NUAK1: variants seen among roughly 807,000 people sequenced by gnomAD.
NUAK1 encodes NUAK family kinase 1, also known as NUAK family SNF1-like kinase 1.
NUAK1 carries 26 observed loss-of-function variants against 56.9 expected under a neutral mutation model. The observed-to-expected ratio is 0.46, with a 90% CI of 0.33 to 0.63. The LOEUF (loss-of-function observed/expected upper bound fraction) is 0.63. Ranked by LOEUF, NUAK1 falls within the 30% of genes least tolerant of loss-of-function variation. The probability of loss-of-function intolerance (pLI) is 0.02; values close to 1 mark genes in which losing one functional copy is unlikely to be tolerated. For missense variants in NUAK1, 727 were observed against 876.1 expected (o/e 0.83, Z 2.15); for synonymous variants, 337 against 336.0 (o/e 1.00, Z -0.03).
intron 2 of NUAK1, among the ~76,000 whole-genome samples, chr12:106,090,932 T>C (rs1592852752): frequency 6.6e-6 from 1 of 152,136 alleles, no homozygotes; most frequent in African/African-American, 2.4e-5. Context: ...TCCAGAATAG[T>C]CCAGGATTTA....
intron 1 of NUAK1, among the ~76,000 whole-genome samples, chr12:106,111,902 T>TAAAAAGAAAAAAAAAAAAA (rs2032862911): frequency 8.1e-6 from 1 of 123,374 alleles, no homozygotes. Flanking sequence ...ACATAGCCTG[T>TAAAAAGAAAAAAAAAAAAA]AAAAAAAAAA....
chr12:106,134,427 C>T (rs964779412), intron 1 of NUAK1, among the ~76,000 whole-genome samples: 3 of 152,206 alleles, frequency 2.0e-5, no homozygotes, highest in Non-Finnish European at 4.4e-5. Context: ...GATGCCCCAT[C>T]ACCCAAGCTA....
At chr12:106,087,075 T>C in intron 2 of NUAK1, 190 bp from the exon 3 acceptor site, 1 of 579,832 alleles carries the variant, frequency 1.7e-6, no homozygotes, top group Non-Finnish European at 3.0e-6. Flanking sequence ...GAAAATGGTG[T>C]GTGTCACCAC....
At chr12:106,106,752 T>C (rs1332297360) in intron 1 of NUAK1, among the ~76,000 whole-genome samples, 1 of 152,168 alleles carries the variant, frequency 6.6e-6, no homozygotes, top group African/African-American at 2.4e-5. Context: ...GTGATGGTGG[T>C]TTTGTTTTTG....
chr12:106,128,698 T>C (rs2033047985), intron 1 of NUAK1, among the ~76,000 whole-genome samples: 1 of 152,098 alleles, frequency 6.6e-6, no homozygotes, highest in South Asian at 2.1e-4. Context: ...AACAGGGAAA[T>C]TGCCCTTCAG....
At chr12:106,080,354 A>G (rs2032504130) in intron 4 of NUAK1, among the ~76,000 whole-genome samples, 1 of 152,136 alleles carries the variant, frequency 6.6e-6, no homozygotes, top group Non-Finnish European at 1.5e-5. Flanking sequence ...TTCTCATTGT[A>G]AGACATTTTT....
intron 4 of NUAK1, among the ~76,000 whole-genome samples, chr12:106,081,204 C>T (rs1463123998): frequency 6.6e-6 from 1 of 152,160 alleles, no homozygotes; most frequent in Admixed American, 6.5e-5. Context: ...AGCAAAGACA[C>T]AATAATTTAG....
chr12:106,124,656 A>T (rs2033008913), intron 1 of NUAK1, among the ~76,000 whole-genome samples: 1 of 152,190 alleles, frequency 6.6e-6, no homozygotes, highest in Non-Finnish European at 1.5e-5. Context: ...CATCTGTCTC[A>T]CCATGGCTGT....
chr12:106,121,133 G>T (rs1258592293), intron 1 of NUAK1, among the ~76,000 whole-genome samples: 6 of 152,186 alleles, frequency 3.9e-5, no homozygotes, highest in Admixed American at 3.9e-4. Flanking sequence ...AACCCACAGC[G>T]GGGTCAGGCA....
chr12:106,102,062 C>A (rs755781584), intron 2 of NUAK1, among the ~76,000 whole-genome samples: 8 of 151,952 alleles, frequency 5.3e-5, no homozygotes, highest in African/African-American at 1.9e-4. Flanking sequence ...ACAGAACTTG[C>A]GTGGGAGAAG....
intron 2 of NUAK1, among the ~76,000 whole-genome samples, chr12:106,092,165 C>T (rs1262647585): frequency 6.6e-6 from 1 of 152,140 alleles, no homozygotes; most frequent in East Asian, 1.9e-4. Flanking sequence ...TACAGATACA[C>T]CAATACCATG....
At chr12:106,070,285 T>G (rs3782690) in intron 6 of NUAK1, among the ~76,000 whole-genome samples, 57,183 of 151,896 alleles carry the variant, frequency 0.38, 10,837 homozygotes, top group East Asian at 0.45. Context: ...GCCACTGAGT[T>G]TGTTTTGTAG....
chr12:106,119,303 T>C (rs901799549), intron 1 of NUAK1, among the ~76,000 whole-genome samples: 6 of 151,526 alleles, frequency 4.0e-5, no homozygotes, highest in African/African-American at 1.5e-4. Context: ...CTCAGCCACA[T>C]CCTAACTGAG....
chr12:106,091,356 C>T (rs1345622100), intron 2 of NUAK1, among the ~76,000 whole-genome samples: 1 of 152,194 alleles, frequency 6.6e-6, no homozygotes, highest in Non-Finnish European at 1.5e-5. Flanking sequence ...CAGCCTGAGT[C>T]AGCCCACAGC....
chr12:106,130,743 T>C (rs754601325), intron 1 of NUAK1, among the ~76,000 whole-genome samples: 3 of 152,226 alleles, frequency 2.0e-5, no homozygotes, highest in Non-Finnish European at 4.4e-5. Flanking sequence ...TTTTCATATG[T>C]ATCCACCTGG....
At chr12:106,111,197 A>C (rs1464623756) in intron 1 of NUAK1, among the ~76,000 whole-genome samples, 1 of 152,190 alleles carries the variant, frequency 6.6e-6, no homozygotes, top group Non-Finnish European at 1.5e-5. Context: ...AGGCCCCAGC[A>C]CACAGTATTC....
Position 106,135,847 on chromosome 12 carries a change from T to C in NUAK1, c.240+2567A>G, listed in dbSNP as rs111586228. 5.7e-3 allele frequency among the ~76,000 whole-genome samples: 866 copies of C among 152,344 alleles called. 6 individuals are homozygous for C. The highest frequency in any genetic ancestry group is 0.02 in the African/African-American group (836 of 41,580). ...CAAGTTCATATTTTAGATGAAAATG[T>C]CTTACTGCTCTTAACAGGTTCTGAG... On this transcript the variant is annotated intron_variant, in intron 1 of 6. Coordinates refer to ENST00000261402, the MANE Select transcript of NUAK1 (RefSeq NM_014840.3).
chr12:106,068,022 C>A, intron 6 of NUAK1, 67 bp from the exon 7 acceptor site: 2 of 1,466,096 alleles, frequency 1.4e-6, no homozygotes, highest in East Asian at 2.3e-5. Flanking sequence ...ATAGTGGGAC[C>A]CTCCAGGAGT....
At chr12:106,118,732 T>C (rs1169747055) in intron 1 of NUAK1, among the ~76,000 whole-genome samples, 1 of 152,242 alleles carries the variant, frequency 6.6e-6, no homozygotes, top group Non-Finnish European at 1.5e-5. Flanking sequence ...TCCCCAGATG[T>C]TCTCCATGTA....
Sources: allele counts gnomAD v4.1 joint callset (sites outside exome capture counted in the v4.1 genomes callset), GRCh38; gene constraint gnomAD v4.1.1; transcripts MANE v1.5; gene names NCBI Gene and HGNC (gene_info 2026-07-23, HGNC 2026-07-21).